ESR1: variants seen among roughly 807,000 people sequenced by gnomAD.
The protein encoded by ESR1 is estrogen receptor 1.
In ESR1, 12 loss-of-function variants were observed where a neutral mutation model predicts 52.7. The observed-to-expected ratio is 0.23, with a 90% CI of 0.15 to 0.37. The LOEUF (loss-of-function observed/expected upper bound fraction) is 0.37, where lower values mean the gene tolerates loss of function less well. Among genes scored for constraint, ESR1 ranks in the 10% least tolerant of loss-of-function variants. The pLI, the probability that ESR1 is intolerant of heterozygous loss-of-function variation, is 1.00. For missense variants in ESR1, 584 were observed against 779.7 expected (o/e 0.75, Z 2.99); for synonymous variants, 305 against 316.8 (o/e 0.96, Z 0.39).
intron 1 of ESR1, among the ~76,000 whole-genome samples, chr6:151,695,731 C>CT (rs1199608837): frequency 6.6e-6 from 1 of 152,046 alleles, no homozygotes; most frequent in East Asian, 1.9e-4. Flanking sequence ...AGAAATTTGG[C>CT]TTTTGTACTC....
Position 151,849,643 on chromosome 6 carries a change from C to CAA in ESR1, c.643+6868_643+6869dup, listed in dbSNP as rs34495255. ...TGGGCGACAGAGTGAGACTTCATCT[C>CAA]AAAAAAAAAAAAATAATAATGATAG... On this transcript the variant is annotated intron_variant, in intron 2 of 7. Coordinates refer to ENST00000206249, the MANE Select transcript of ESR1 (RefSeq NM_000125.4). Among the ~76,000 whole-genome samples, 166 of 132,412 alleles carry CAA rather than the reference C, an allele frequency of 1.3e-3. 5 individuals carry two copies. The South Asian group carries it at 0.028, about 22-fold the overall frequency. The allele number at this position is 132,412 out of a possible 152,430, so 86.9% of individuals were successfully genotyped here. A position where few individuals can be genotyped will look rare whatever the true frequency, so the allele number is the denominator to read the frequency against.
intron 1 of ESR1, among the ~76,000 whole-genome samples, chr6:151,675,265 G>T (rs1778212474): frequency 6.6e-6 from 1 of 152,134 alleles, no homozygotes; most frequent in African/African-American, 2.4e-5. Flanking sequence ...ACTCACTGAG[G>T]GTCTACTGTG....
At chr6:151,956,882 A>C (rs1424932975) in intron 4 of ESR1, among the ~76,000 whole-genome samples, 11 of 31,774 alleles carry the variant, frequency 3.5e-4, no homozygotes, top group African/African-American at 6.6e-4. Context: ...ATATATATAA[A>C]ATTTTTTTTT....
chr6:151,741,736 T>C (rs1242808124), intron 2 of ESR1, among the ~76,000 whole-genome samples: 1 of 152,212 alleles, frequency 6.6e-6, no homozygotes, highest in African/African-American at 2.4e-5. Flanking sequence ...GATAATAAAA[T>C]GATTACTACA....
chr6:151,694,907 A>G (rs1299127183), intron 1 of ESR1, among the ~76,000 whole-genome samples: 1 of 152,192 alleles, frequency 6.6e-6, no homozygotes, highest in Non-Finnish European at 1.5e-5. Context: ...GCTATGAGAT[A>G]GATATGAGGG....
At chr6:151,800,260 G>A (rs78281071), upstream of ESR1, among the ~76,000 whole-genome samples, 7,071 of 152,114 alleles carry the variant, frequency 0.046, 560 homozygotes, top group African/African-American at 0.16. Context: ...GAATCCTGGG[G>A]TACCCACACC....
chr6:151,717,412 T>C (rs1781131765), intron 2 of ESR1, among the ~76,000 whole-genome samples: 1 of 152,266 alleles, frequency 6.6e-6, no homozygotes, highest in Admixed American at 6.5e-5. Flanking sequence ...GAGCAAAGCA[T>C]AGTTGGTTTA....
intron 6 of ESR1, among the ~76,000 whole-genome samples, chr6:152,115,148 C>T (rs1228724496): frequency 6.6e-6 from 1 of 152,036 alleles, no homozygotes; most frequent in South Asian, 2.1e-4. Flanking sequence ...ACTATATACA[C>T]GAGTTTTTCC....
upstream of ESR1, among the ~76,000 whole-genome samples, chr6:151,800,558 C>G (rs1293850776): frequency 6.6e-6 from 1 of 152,030 alleles, no homozygotes; most frequent in East Asian, 1.9e-4. Flanking sequence ...AGGACTGTGG[C>G]CTTATAAAAA....
chr6:151,832,426 A>C (rs972016221), intron 1 of ESR1, among the ~76,000 whole-genome samples: 1 of 152,164 alleles, frequency 6.6e-6, no homozygotes, highest in Admixed American at 6.5e-5. Flanking sequence ...ATACATACAA[A>C]ATTGCATAGC....
chr6:151,707,562 A>C (rs1353624224), intron 2 of ESR1, among the ~76,000 whole-genome samples: 1 of 152,054 alleles, frequency 6.6e-6, no homozygotes, highest in Non-Finnish European at 1.5e-5. Context: ...TATCTTGTAG[A>C]TTTTATTTAA....
At chr6:152,002,665 G>A (rs2042047962) in intron 4 of ESR1, among the ~76,000 whole-genome samples, 2 of 151,848 alleles carry the variant, frequency 1.3e-5, no homozygotes, top group South Asian at 2.1e-4. Flanking sequence ...TCTTTAGTTT[G>A]CAATCTACTC....
At chr6:152,055,689 A>G (rs539441737) in intron 5 of ESR1, among the ~76,000 whole-genome samples, 12 of 152,250 alleles carry the variant, frequency 7.9e-5, no homozygotes, top group African/African-American at 2.9e-4. Flanking sequence ...GCAACACCTT[A>G]CTAATGACTG....
chr6:151,838,792 C>T (rs758022023), intron 1 of ESR1, among the ~76,000 whole-genome samples: 8 of 152,064 alleles, frequency 5.3e-5, no homozygotes, highest in Non-Finnish European at 8.8e-5. Context: ...TGTAGTTTCC[C>T]CGTCTTCTTT....
chr6:151,985,507 C>CAAAAA (rs560626079), intron 4 of ESR1, among the ~76,000 whole-genome samples: 4 of 51,340 alleles, frequency 7.8e-5, no homozygotes, highest in African/African-American at 3.6e-4. Flanking sequence ...GACTCTGTCT[C>CAAAAA]AAAAAAAAAA....
intron 2 of ESR1, among the ~76,000 whole-genome samples, chr6:151,786,794 T>C (rs994498187): frequency 6.6e-6 from 1 of 151,788 alleles, no homozygotes; most frequent in Non-Finnish European, 1.5e-5. Flanking sequence ...GAATAAGGAG[T>C]CTTTTCACCA....
chr6:151,661,344 T>G (rs1260814014), intron 1 of ESR1, among the ~76,000 whole-genome samples: 1 of 152,208 alleles, frequency 6.6e-6, no homozygotes, highest in East Asian at 1.9e-4. Context: ...GGTGTCCAGA[T>G]GAGAGGCAAG....
At chr6:151,807,372 G>C, upstream of ESR1, 1 of 213,086 alleles carries the variant, frequency 4.7e-6, no homozygotes, top group Non-Finnish European at 9.6e-6. Flanking sequence ...CAGCACATTA[G>C]AGAAAGCCGG....
At chr6:152,033,961 A>G (rs994310798) in intron 5 of ESR1, among the ~76,000 whole-genome samples, 4 of 152,218 alleles carry the variant, frequency 2.6e-5, no homozygotes, top group East Asian at 3.9e-4. Flanking sequence ...CTATGCAGCC[A>G]TAAAAAAGGA....
Sources: gnomAD v4.1 joint callset for allele counts (sites outside exome capture counted in the v4.1 genomes callset) on GRCh38, gnomAD v4.1.1 for gene constraint, MANE v1.5 for transcripts, NCBI Gene and HGNC (gene_info 2026-07-23, HGNC 2026-07-21) for gene names.